Variants in HHIP observed in about 807,000 individuals in gnomAD.
HHIP encodes the protein hedgehog-interacting protein.
HHIP carries 12 observed loss-of-function variants against 74.0 expected under a neutral mutation model. The ratio of observed to expected loss-of-function variants is 0.16; its 90% CI spans 0.10 to 0.26. The LOEUF is 0.26. HHIP is among the 10% of genes least tolerant of loss of function. The pLI is 1.00. For synonymous variants in HHIP, 309 were observed against 311.6 expected (o/e 0.99, Z 0.09); for missense variants, 788 against 845.0 (o/e 0.93, Z 0.84).
At chr4:144,659,162 T>C (rs1004141984) in intron 3 of HHIP, among the ~76,000 whole-genome samples, 5 of 152,234 alleles carry the variant, frequency 3.3e-5, no homozygotes, top group Non-Finnish European at 7.3e-5. Context: ...TTGGCTTCTC[T>C]ATGACTCATG....
intron 7 of HHIP, among the ~76,000 whole-genome samples, chr4:144,708,732 T>C (rs922538586): frequency 6.6e-6 from 1 of 152,208 alleles, no homozygotes; most frequent in Non-Finnish European, 1.5e-5. Flanking sequence ...CTTGCTATGA[T>C]TAAATAAAAA....
intron 11 of HHIP, among the ~76,000 whole-genome samples, chr4:144,729,184 T>C (rs760456163): frequency 6.6e-6 from 1 of 152,186 alleles, no homozygotes; most frequent in Non-Finnish European, 1.5e-5. Flanking sequence ...TAAAAATTTA[T>C]CCCATCATAA....
At chr4:144,676,625 A>G (rs748490892) in intron 4 of HHIP, among the ~76,000 whole-genome samples, 5 of 152,168 alleles carry the variant, frequency 3.3e-5, no homozygotes, top group Non-Finnish European at 5.9e-5. Flanking sequence ...CTCTGGAGCC[A>G]TCTCTGGGGC....
At chr4:144,684,470 G>T (rs1729434564) in intron 4 of HHIP, among the ~76,000 whole-genome samples, 1 of 150,432 alleles carries the variant, frequency 6.6e-6, no homozygotes, top group Non-Finnish European at 1.5e-5. Flanking sequence ...TAGTAGAAAC[G>T]TGGTTTCACC....
At chr4:144,724,608 C>G (rs1159435494) in intron 11 of HHIP, among the ~76,000 whole-genome samples, 1 of 149,424 alleles carries the variant, frequency 6.7e-6, no homozygotes, top group Non-Finnish European at 1.5e-5. Flanking sequence ...GCCTTACCTA[C>G]TTATCATTAT....
In HHIP at chr4:144,744,342, T is replaced by C. The variant is rs1314004755; in HGVS notation, c.*6385T>C. On this transcript the variant is annotated 3_prime_UTR_variant, in exon 13 of 13. Transcript: ENST00000296575. ...TGTCCAGTATTAAGGAATGGTTATC[T>C]TTATCATTCTTCTAACATGTTTTGG... 2 of 152,244 alleles carry C rather than the reference T, an allele frequency of 1.3e-5. No homozygotes were observed. The highest frequency in any genetic ancestry group is 1.3e-4 in the Admixed American group (2 of 15,286). The allele number at this position is 152,244 out of a possible 1,614,324, so 9.4% of individuals were successfully genotyped here.
intron 4 of HHIP, among the ~76,000 whole-genome samples, chr4:144,699,004 G>A (rs1015350154): frequency 6.6e-6 from 1 of 152,092 alleles, no homozygotes; most frequent in African/African-American, 2.4e-5. Context: ...CCAAATGAGA[G>A]GTTTACTCTC....
chr4:144,737,875 G>A lies in HHIP; in HGVS notation c.2021G>A (p.Arg674His), dbSNP rs753320272. ...TGTGAACAAGTGGACAGAAACATCCGCAGAGTGACCAGGGCAGGTATTCTT... is the reference window on the plus strand; with the variant it reads ...TGTGAACAAGTGGACAGAAACATCCACAGAGTGACCAGGGCAGGTATTCTT... Reference protein sequence around the residue: ...PQCEQVDRNIRRVTRAGILDQ... With the variant: ...PQCEQVDRNIHRVTRAGILDQ... Residue 674 changes from arginine (R) to histidine (H), a missense_variant, in exon 13 of 13, where the codon CGC (arginine) becomes CAC (histidine). This residue lies in a region of HHIP where 343 missense variants were observed against 347.9 expected (regional missense o/e 0.99). Coordinates refer to ENST00000296575, the MANE Select transcript of HHIP (RefSeq NM_022475.3). 23 of 1,613,600 alleles carry A rather than the reference G, an allele frequency of 1.4e-5. No individual in the cohort carries two copies. Among genetic ancestry groups the A allele is most frequent in the Admixed American group, 3.3e-5 (2 of 59,992 alleles).
rs1009345092 is a variant in HHIP at position 144,743,449 on chromosome 4, A to T, written c.*5492A>T. On this transcript the variant is annotated 3_prime_UTR_variant, in exon 13 of 13. Transcript: ENST00000296575. ...GAAAGCCTTGTGCTTAAAACCTGTT[A>T]TTCTTCTTTGAGCCAGACTAAACAG... 5.3e-5 allele frequency: 8 copies of T among 152,060 alleles called. No individual in the cohort carries two copies. The allele number at this position is 152,060 out of a possible 1,614,324, so 9.4% of individuals were successfully genotyped here. A position where few individuals can be genotyped will look rare whatever the true frequency, so the allele number is the denominator to read the frequency against.
chr4:144,665,935 T>C (rs944341595), intron 4 of HHIP, among the ~76,000 whole-genome samples: 15 of 152,100 alleles, frequency 9.9e-5, no homozygotes, highest in African/African-American at 3.6e-4. Context: ...GCAAAGGAAA[T>C]AGAAGCTATA....
chr4:144,706,499 T>G (rs1397819010), intron 4 of HHIP, 32 bp from the exon 5 acceptor site: 3 of 1,550,060 alleles, frequency 1.9e-6, no homozygotes, highest in South Asian at 2.5e-5. Flanking sequence ...TAATTAACTT[T>G]ACAATTCTTT....
At chr4:144,686,985 T>C (rs1463154480) in intron 4 of HHIP, among the ~76,000 whole-genome samples, 1 of 152,228 alleles carries the variant, frequency 6.6e-6, no homozygotes, top group Non-Finnish European at 1.5e-5. Flanking sequence ...TCTTTATCTC[T>C]TGGGCCCCAT....
intron 2 of HHIP, among the ~76,000 whole-genome samples, chr4:144,656,960 C>A (rs1286053229): frequency 6.6e-6 from 1 of 151,976 alleles, no homozygotes. Context: ...TCCCGTGGAG[C>A]ACTTCCCAGC....
At chr4:144,681,627 G>A (rs960436997) in intron 4 of HHIP, among the ~76,000 whole-genome samples, 2 of 152,072 alleles carry the variant, frequency 1.3e-5, no homozygotes, top group African/African-American at 2.4e-5. Flanking sequence ...GTTTCACCCT[G>A]TTGGTCAGGA....
chr4:144,717,751 TTCTCTCTC>T (rs373121047), intron 10 of HHIP, among the ~76,000 whole-genome samples: 2 of 149,508 alleles, frequency 1.3e-5, no homozygotes, highest in African/African-American at 4.9e-5. Context: ...CTCTCTCTCT[TTCTCTCTC>T]TCTCTCTCTC....
chr4:144,683,810 G>A (rs912914958), intron 4 of HHIP, among the ~76,000 whole-genome samples: 3 of 152,096 alleles, frequency 2.0e-5, no homozygotes, highest in Admixed American at 6.6e-5. Flanking sequence ...AAAGCCTTAC[G>A]TATTTAATAT....
At position 144,652,810 on chromosome 4, in the gene HHIP, A is replaced by C. The variant is rs201257045; in HGVS notation, c.472+13A>C. ...GGCCATATTCCAGGTAAGAAAAAAA[A>C]ATGCATAAGTAAAATAAACCACTGC... On this transcript the variant is annotated intron_variant, in intron 2 of 12. Transcript: ENST00000296575. 9.7e-6 allele frequency: 15 copies of C among 1,551,970 alleles called. No homozygotes were observed. Among genetic ancestry groups the C allele is most frequent in the Middle Eastern group, 1.7e-4 (1 of 5,870 alleles).
chr4:144,683,083 C>T (rs1386839802), intron 4 of HHIP, among the ~76,000 whole-genome samples: 1 of 152,184 alleles, frequency 6.6e-6, no homozygotes, highest in African/African-American at 2.4e-5. Flanking sequence ...GTAGTAACTT[C>T]TAGAATAAAG....
chr4:144,735,179 T>C (rs1731077123), intron 12 of HHIP, among the ~76,000 whole-genome samples: 2 of 152,294 alleles, frequency 1.3e-5, no homozygotes, highest in South Asian at 2.1e-4. Context: ...ATCATCTCTT[T>C]AGGCCTCTTG....
Sources: allele counts gnomAD v4.1 joint callset (sites outside exome capture counted in the v4.1 genomes callset), GRCh38; gene constraint gnomAD v4.1.1; regional missense constraint gnomAD v4.1.1; transcripts MANE v1.5; gene names NCBI Gene and HGNC (gene_info 2026-07-23, HGNC 2026-07-21).